Variants in KIAA0319 observed in about 807,000 individuals in gnomAD.
KIAA0319 encodes the protein dyslexia-associated protein KIAA0319.
KIAA0319 carries 83 observed loss-of-function variants against 108.4 expected under a neutral mutation model. The observed-to-expected ratio is 0.77, with a 90% CI of 0.64 to 0.92. The LOEUF is 0.92. KIAA0319 is among the 40% of genes least tolerant of loss of function. The probability of loss-of-function intolerance (pLI) is 0.00; values close to 1 mark genes in which losing one functional copy is unlikely to be tolerated. For missense variants in KIAA0319, 1,195 were observed against 1,322.4 expected, an observed-to-expected ratio of 0.90 and a Z score of 1.49; for synonymous variants, 484 against 510.4, an observed-to-expected ratio of 0.95 and a Z score of 0.70.
Position 24,564,103 on chromosome 6 carries a change from A to T in KIAA0319, c.2431+99T>A. 3.4e-6 allele frequency: 5 copies of T among 1,473,472 alleles called. No homozygotes were observed. In the South Asian group the frequency reaches 5.0e-5, roughly 15 times the overall value. The allele number at this position is 1,473,472 out of a possible 1,614,324, so 91.3% of individuals were successfully genotyped here. On this transcript the variant is annotated intron_variant, in intron 15 of 20. Coordinates refer to ENST00000378214, the MANE Select transcript of KIAA0319 (RefSeq NM_014809.4). Reference sequence around the variant, plus strand: ...GTCCAGCCAAGAGCTGGAGCCAGCCACAGGAGGCCTCCCACACTGGTCACA... The same window carrying T: ...GTCCAGCCAAGAGCTGGAGCCAGCCTCAGGAGGCCTCCCACACTGGTCACA...
intron 1 of KIAA0319, among the ~76,000 whole-genome samples, chr6:24,635,222 A>G (rs1776046784): frequency 6.6e-6 from 1 of 151,336 alleles, no homozygotes; most frequent in South Asian, 2.1e-4. Context: ...CCTCCGCCTC[A>G]GCCTCCTGAG....
At chr6:24,575,183 T>TA (rs1171465794) in intron 10 of KIAA0319, among the ~76,000 whole-genome samples, 4 of 152,190 alleles carry the variant, frequency 2.6e-5, no homozygotes, top group Non-Finnish European at 4.4e-5. Flanking sequence ...ATAAGGTTGT[T>TA]ACTGTGGATA....
chr6:24,550,041 A>G (rs980674360), intron 20 of KIAA0319, among the ~76,000 whole-genome samples: 1 of 152,222 alleles, frequency 6.6e-6, no homozygotes, highest in African/African-American at 2.4e-5. Flanking sequence ...AAACGTCACT[A>G]TAATACTTCT....
chr6:24,564,438 A>G lies in KIAA0319; in HGVS notation c.2293-98T>C. ...AACCTCAGTGTCCCATCTTTTTAAC[A>G]CAGGCGTGACTTTAAGAGGGAGGCT... On this transcript the variant is annotated intron_variant, in intron 14 of 20. Transcript: ENST00000378214. 2.0e-6 allele frequency: 3 copies of G among 1,475,312 alleles called. 1 individual carries two copies. The South Asian group carries it at 3.6e-5, about 18-fold the overall frequency. The allele number at this position is 1,475,312 out of a possible 1,614,324, so 91.4% of individuals were successfully genotyped here. A position where few individuals can be genotyped will look rare whatever the true frequency, so the allele number is the denominator to read the frequency against.
At chr6:24,594,287 T>C (rs529605260) in intron 3 of KIAA0319, among the ~76,000 whole-genome samples, 5 of 124,896 alleles carry the variant, frequency 4.0e-5, no homozygotes, top group Non-Finnish European at 8.5e-5. Flanking sequence ...AGGAAAAATA[T>C]AGACACTTCA....
At chr6:24,585,335 T>C (rs1361065185) in intron 4 of KIAA0319, among the ~76,000 whole-genome samples, 1 of 149,728 alleles carries the variant, frequency 6.7e-6, no homozygotes, top group African/African-American at 2.5e-5. Context: ...CCTACAAAGA[T>C]TAAAAAAAAA....
chr6:24,627,746 T>C (rs1774914654), intron 1 of KIAA0319, among the ~76,000 whole-genome samples: 1 of 152,204 alleles, frequency 6.6e-6, no homozygotes, highest in Admixed American at 6.5e-5. Context: ...CCAGCAATCT[T>C]CTTACTGGTT....
intron 13 of KIAA0319, 109 bp from the exon 14 acceptor site, chr6:24,566,857 T>C (rs1302571836): frequency 9.7e-7 from 1 of 1,033,058 alleles, no homozygotes; most frequent in Non-Finnish European, 1.4e-6. Flanking sequence ...AGATACAGTA[T>C]GTAGAATTAA....
chr6:24,599,623 G>A lies in KIAA0319; in HGVS notation c.55+1426C>T. The A allele has an allele frequency of 1.6e-6, 1 of 626,492 alleles. No homozygotes were observed. Among genetic ancestry groups the A allele is most frequent in the East Asian group, 3.4e-5 (1 of 29,280 alleles). The allele number at this position is 626,492 out of a possible 1,614,324, so 38.8% of individuals were successfully genotyped here. ...ACCAGTGGCTACTCAGGTGAGCTGA[G>A]CTCAGCCTATGGGGGCCTCAGCTAC... is the stretch of plus-strand genomic sequence containing the variant. On this transcript the variant is annotated intron_variant, in intron 2 of 20. Coordinates refer to ENST00000378214, the MANE Select transcript of KIAA0319 (RefSeq NM_014809.4). The surrounding 1 kb of genome is among the most constrained non-coding windows in gnomAD (Gnocchi z 4.1).
chr6:24,564,188 G>A lies in KIAA0319; in HGVS notation c.2431+14C>T, dbSNP rs375534519. On this transcript the variant is annotated intron_variant, in intron 15 of 20. Transcript: ENST00000378214. ...CAGAGCCTGCATGGCCAGCTCCAGA[G>A]CCCAGGAACTCACCTGGCTGCACTT... The A allele has an allele frequency of 2.0e-5, 32 of 1,613,930 alleles. No homozygotes were observed. The highest frequency in any genetic ancestry group is 2.6e-5 in the Non-Finnish European group (31 of 1,180,004).
At chr6:24,607,559 T>C (rs1422048377) in intron 1 of KIAA0319, among the ~76,000 whole-genome samples, 2 of 152,194 alleles carry the variant, frequency 1.3e-5, no homozygotes, top group Admixed American at 6.5e-5. Flanking sequence ...GACAGTCTAA[T>C]AATTTTTAAA....
chr6:24,611,784 T>C (rs1460210230), intron 1 of KIAA0319, among the ~76,000 whole-genome samples: 1 of 152,042 alleles, frequency 6.6e-6, no homozygotes, highest in Admixed American at 6.6e-5. Flanking sequence ...GGGGGCACAG[T>C]TGCTCACCCC....
chr6:24,595,317 T>C (rs1336833233), intron 3 of KIAA0319, among the ~76,000 whole-genome samples: 2 of 151,056 alleles, frequency 1.3e-5, no homozygotes, highest in Admixed American at 6.6e-5. Context: ...GAGGCCAAGG[T>C]GGGTGGATCA....
rs772911710 is a variant in KIAA0319 at position 24,563,351 on chromosome 6, G to T, written c.2591+8C>A. The T allele has an allele frequency of 1.8e-5, 29 of 1,610,280 alleles. 1 individual carries two copies. The South Asian group carries it at 3.1e-4, about 17-fold the overall frequency. ...GCCAAGGCCCCGCCTTGAGTGTGCA[G>T]CTCCTACCTGAGATCCGAGTGGGCC... is the stretch of plus-strand genomic sequence containing the variant. On this transcript the variant is annotated splice_region_variant and intron_variant, in intron 16 of 20. Transcript: ENST00000378214.
chr6:24,577,632 GA>G (rs1343191756), intron 9 of KIAA0319, among the ~76,000 whole-genome samples: 6 of 152,156 alleles, frequency 3.9e-5, no homozygotes, highest in African/African-American at 1.4e-4. Flanking sequence ...TCCTTGCAGG[GA>G]AAAGACATGT....
chr6:24,566,808 T>G lies in KIAA0319; in HGVS notation c.2141-60A>C, dbSNP rs907934008. The G allele has an allele frequency of 6.3e-5, 92 of 1,452,056 alleles. No individual in the cohort carries two copies. In the Admixed American group the frequency reaches 6.8e-4, roughly 11 times the overall value. 89.9% of individuals were successfully genotyped at this position (1,452,056 alleles called of 1,614,324 possible). On this transcript the variant is annotated intron_variant, in intron 13 of 20. Transcript: ENST00000378214. ...TTGATTTAAAACACCAGTGATAGAA[T>G]AAGTGTGTCATAAAACATCCACAAC...
At chr6:24,577,307 T>G (rs1765692992) in intron 9 of KIAA0319, among the ~76,000 whole-genome samples, 1 of 152,218 alleles carries the variant, frequency 6.6e-6, no homozygotes. Context: ...ACTCCTGAAT[T>G]TTCAGCTACA....
rs1053102334 is a variant in KIAA0319 at position 24,646,019 on chromosome 6, A to G, written c.-389T>C. On this transcript the variant is annotated 5_prime_UTR_variant, in exon 1 of 21. Transcript: ENST00000378214. The stretch of plus-strand genomic sequence containing the variant: ...ACCAAGCCCAAGACAGGCTGAAGCT[A>G]CTGCTGCGCTCTCACCTCCGGCAGT... The G allele has an allele frequency of 3.3e-5, 5 of 152,488 alleles. No homozygotes were observed. The highest frequency in any genetic ancestry group is 4.8e-5 in the African/African-American group (2 of 41,434). 9.4% of individuals were successfully genotyped at this position (152,488 alleles called of 1,614,324 possible).
chr6:24,576,615 G>A lies in KIAA0319; in HGVS notation c.1506-19C>T. ...AGTCAACCTACAAAAAGGAGAAGAA[G>A]CCGTAGTTGGAAGAATATGCCAGGC... On this transcript the variant is annotated intron_variant, in intron 9 of 20. Transcript: ENST00000378214. 6.3e-7 allele frequency: 1 copy of A among 1,597,232 alleles called. No individual in the cohort carries two copies. Among genetic ancestry groups the A allele is most frequent in the Non-Finnish European group, 8.6e-7 (1 of 1,164,810 alleles).
Sources: allele counts gnomAD v4.1 joint callset (sites outside exome capture counted in the v4.1 genomes callset), GRCh38; gene constraint gnomAD v4.1.1; non-coding constraint Gnocchi (gnomAD v3.1); transcripts MANE v1.5; gene names NCBI Gene and HGNC (gene_info 2026-07-23, HGNC 2026-07-21).